RIMS2: variants seen among roughly 807,000 people sequenced by gnomAD.
RIMS2 encodes regulating synaptic membrane exocytosis protein 2.
In RIMS2, 59 loss-of-function variants were observed where a neutral mutation model predicts 174.4. The observed-to-expected ratio is 0.34, with a 90% CI of 0.27 to 0.42. The LOEUF (loss-of-function observed/expected upper bound fraction) is 0.42, where lower values mean the gene tolerates loss of function less well. RIMS2 is among the 10% of genes least tolerant of loss of function. The pLI, the probability that RIMS2 is intolerant of heterozygous loss-of-function variation, is 1.00. For missense variants in RIMS2, 1,620 were observed against 1,666.3 expected (o/e 0.97, Z 0.48); for synonymous variants, 606 against 572.5 (o/e 1.06, Z -0.84).
At chr8:103,924,284 C>G (rs745434034) in intron 10 of RIMS2, among the ~76,000 whole-genome samples, 18 of 151,602 alleles carry the variant, frequency 1.2e-4, no homozygotes, top group Non-Finnish European at 2.4e-4. Flanking sequence ...AGTTTTGACC[C>G]CCACATCAGG....
At chr8:104,012,421 A>G (rs1047259723) in intron 17 of RIMS2, among the ~76,000 whole-genome samples, 3 of 151,664 alleles carry the variant, frequency 2.0e-5, no homozygotes, top group African/African-American at 7.3e-5. Context: ...ACTTATAGGT[A>G]AAGTGGATGT....
At chr8:103,889,659 C>T (rs2099230404) in intron 4 of RIMS2, among the ~76,000 whole-genome samples, 1 of 151,420 alleles carries the variant, frequency 6.6e-6, no homozygotes, top group South Asian at 2.1e-4. Flanking sequence ...CTCTGCTGTC[C>T]TTTTGGATAT....
At chr8:103,790,903 A>G (rs1311176221) in intron 3 of RIMS2, among the ~76,000 whole-genome samples, 1 of 152,248 alleles carries the variant, frequency 6.6e-6, no homozygotes, top group African/African-American at 2.4e-5. Flanking sequence ...CAAAGCCTCC[A>G]AGAAGTATGG....
At chr8:103,816,403 C>T (rs2098718860) in intron 3 of RIMS2, among the ~76,000 whole-genome samples, 1 of 152,092 alleles carries the variant, frequency 6.6e-6, no homozygotes, top group South Asian at 2.1e-4. Context: ...TAATGAACCG[C>T]CTACCCTGTA....
At chr8:103,914,030 A>G (rs1434621356) in intron 6 of RIMS2, among the ~76,000 whole-genome samples, 2 of 152,148 alleles carry the variant, frequency 1.3e-5, no homozygotes, top group Non-Finnish European at 1.5e-5. Context: ...AACACTCACA[A>G]TAGATGAGAA....
At chr8:103,651,162 A>C (rs1302774004) in intron 1 of RIMS2, among the ~76,000 whole-genome samples, 6 of 152,188 alleles carry the variant, frequency 3.9e-5, no homozygotes, top group African/African-American at 7.2e-5. Context: ...TCTGTGGGAG[A>C]AACGTGGTTT....
chr8:103,579,409 A>T (rs1348762643), intron 1 of RIMS2, among the ~76,000 whole-genome samples: 1 of 152,204 alleles, frequency 6.6e-6, no homozygotes, highest in Non-Finnish European at 1.5e-5. Flanking sequence ...GTACAAGGAC[A>T]AACCCAGAAT....
intron 1 of RIMS2, among the ~76,000 whole-genome samples, chr8:103,608,076 T>C (rs1588893520): frequency 6.7e-6 from 1 of 150,070 alleles, no homozygotes; most frequent in South Asian, 2.1e-4. Flanking sequence ...GGAGAGGCGC[T>C]CTGCTTTTTA....
intron 4 of RIMS2, among the ~76,000 whole-genome samples, chr8:103,907,484 A>G (rs1163879874): frequency 6.6e-6 from 1 of 152,050 alleles, no homozygotes; most frequent in Non-Finnish European, 1.5e-5. Context: ...AGGAAACTCT[A>G]TTTGATTTGT....
rs1004339548 is a variant in RIMS2 at position 104,068,667 on chromosome 8, A to G, written c.3334+54052A>G. The G allele has an allele frequency of 4.5e-5, 40 of 895,194 alleles. No homozygotes were observed. In the African/African-American group the frequency reaches 4.9e-4, roughly 11 times the overall value. 55.5% of individuals were successfully genotyped at this position (895,194 alleles called of 1,614,324 possible). ...AAATAATCAATCATATGAAACAGTT[A>G]GATTCTTTTAAACTACTAAATGCAG... On this transcript the variant is annotated intron_variant, in intron 19 of 23. Transcript: ENST00000504942.
chr8:104,043,201 GAAA>G (rs67234265), intron 19 of RIMS2, among the ~76,000 whole-genome samples: 3 of 150,766 alleles, frequency 2.0e-5, no homozygotes, highest in Non-Finnish European at 1.5e-5. Context: ...AGATGGAAAA[GAAA>G]AAAATGAAGG....
chr8:103,734,039 T>TTTTTTTTTTTTA, intron 2 of RIMS2, among the ~76,000 whole-genome samples: 1 of 106,212 alleles, frequency 9.4e-6, no homozygotes, highest in African/African-American at 3.7e-5. Flanking sequence ...TTTTTTTTTT[T>TTTTTTTTTTTTA]CCCAGACGGA....
intron 2 of RIMS2, among the ~76,000 whole-genome samples, chr8:103,745,058 A>G (rs918769794): frequency 1.3e-5 from 2 of 152,238 alleles, no homozygotes; most frequent in African/African-American, 4.8e-5. Context: ...TAACTATTTT[A>G]AAGTATACAA....
chr8:104,235,993 C>T (rs2099256300), intron 19 of RIMS2, among the ~76,000 whole-genome samples: 1 of 151,646 alleles, frequency 6.6e-6, no homozygotes, highest in Non-Finnish European at 1.5e-5. Context: ...CAGTACTTTC[C>T]CTTTTGTTTT....
intron 3 of RIMS2, 128 bp from the exon 7 acceptor site, chr8:103,885,170 C>A: frequency 2.3e-6 from 3 of 1,296,090 alleles, no homozygotes; most frequent in Non-Finnish European, 3.1e-6. Context: ...TTACGCTATG[C>A]CTTTAAAATG....
chr8:104,040,110 AT>A (rs1373830769), intron 19 of RIMS2, among the ~76,000 whole-genome samples: 1 of 151,640 alleles, frequency 6.6e-6, no homozygotes, highest in East Asian at 1.9e-4. Flanking sequence ...TTTTATCACT[AT>A]TCATATAAAG....
intron 19 of RIMS2, among the ~76,000 whole-genome samples, chr8:104,100,801 T>A (rs959605530): frequency 7.0e-6 from 1 of 142,026 alleles, no homozygotes; most frequent in Non-Finnish European, 1.5e-5. Flanking sequence ...TCCTGTTATA[T>A]ATATATTATA....
intron 10 of RIMS2, among the ~76,000 whole-genome samples, chr8:103,925,238 C>A (rs1220733683): frequency 1.3e-5 from 2 of 151,496 alleles, no homozygotes; most frequent in African/African-American, 2.4e-5. Context: ...ACTTCATGAT[C>A]TGTGGTTGAT....
At chr8:104,146,418 A>G (rs79055956) in intron 19 of RIMS2, among the ~76,000 whole-genome samples, 2,923 of 152,212 alleles carry the variant, frequency 0.019, 93 homozygotes, top group African/African-American at 0.067. Context: ...TCCTTTTGTA[A>G]ATAATGCTTT....
Sources: gnomAD v4.1 joint callset for allele counts (sites outside exome capture counted in the v4.1 genomes callset) on GRCh38, gnomAD v4.1.1 for gene constraint, MANE v1.5 for transcripts, NCBI Gene and HGNC (gene_info 2026-07-23, HGNC 2026-07-21) for gene names.